TESC: variants seen among roughly 807,000 people sequenced by gnomAD.
The protein encoded by TESC is calcineurin B homologous protein 3.
Under a neutral mutation model 31.0 loss-of-function variants are expected in TESC, and 19 were observed. The ratio of observed to expected loss-of-function variants is 0.61; its 90% CI spans 0.43 to 0.90. TESC has a LOEUF of 0.90. Among genes scored for constraint, TESC ranks in the 40% least tolerant of loss-of-function variants. The pLI is 0.00. For synonymous variants in TESC, 109 were observed against 114.8 expected, an observed-to-expected ratio of 0.95 and a Z score of 0.32; for missense variants, 248 against 303.8, an observed-to-expected ratio of 0.82 and a Z score of 1.36.
At chr12:117,072,727 A>G (rs1336300255) in intron 2 of TESC, among the ~76,000 whole-genome samples, 3 of 152,238 alleles carry the variant, frequency 2.0e-5, no homozygotes, top group Non-Finnish European at 4.4e-5. Flanking sequence ...TGTGAGCTCC[A>G]TAGCGGCTGC....
chr12:117,049,300 A>G, intron 3 of TESC, 142 bp from the exon 4 acceptor site: 1 of 1,237,162 alleles, frequency 8.1e-7, no homozygotes, highest in Non-Finnish European at 1.1e-6. Context: ...CTGTGCCCCA[A>G]GAACCTGCTT....
At chr12:117,062,960 G>A (rs1954818775) in intron 2 of TESC, among the ~76,000 whole-genome samples, 1 of 152,198 alleles carries the variant, frequency 6.6e-6, no homozygotes, top group African/African-American at 2.4e-5. Context: ...GGGTAGCGGG[G>A]ATTGCCCAGG....
At chr12:117,095,904 G>A (rs1045405696) in intron 1 of TESC, among the ~76,000 whole-genome samples, 2 of 151,960 alleles carry the variant, frequency 1.3e-5, no homozygotes, top group African/African-American at 4.8e-5. Flanking sequence ...AAAAAAAACT[G>A]TAAAAAAAGA....
chr12:117,071,369 G>A (rs1331880731), intron 2 of TESC, among the ~76,000 whole-genome samples: 2 of 152,228 alleles, frequency 1.3e-5, no homozygotes, highest in Non-Finnish European at 2.9e-5. Flanking sequence ...CTGGGGTGAG[G>A]GGATGTGGGG....
chr12:117,083,650 C>T (rs1295389868), intron 1 of TESC, among the ~76,000 whole-genome samples: 1 of 152,196 alleles, frequency 6.6e-6, no homozygotes, highest in East Asian at 1.9e-4. Flanking sequence ...CAAGGCCACA[C>T]GGTGTATGAT....
intron 1 of TESC, among the ~76,000 whole-genome samples, chr12:117,095,795 G>A (rs1328536680): frequency 1.3e-5 from 2 of 152,112 alleles, no homozygotes; most frequent in East Asian, 1.9e-4. Context: ...TGGGAGGATC[G>A]CTGGAGCCCA....
Position 117,041,986 on chromosome 12 carries a change from A to ACGGAAGC in TESC, c.527_528insGCTTCCG (p.Asp176GlufsTer24). ...CGAAGGTGATCCCCTCGTACACCTG[A>ACGGAAGC]TCAGGCTCCTGGGGACGGAAGCACA... On this transcript the variant is annotated frameshift_variant, in exon 7 of 8. Coordinates refer to ENST00000335209, the MANE Select transcript of TESC (RefSeq NM_017899.4). LOFTEE classifies it high-confidence loss of function. The ACGGAAGC allele has an allele frequency of 6.3e-7, 1 of 1,596,224 alleles. No homozygotes were observed. Among genetic ancestry groups the ACGGAAGC allele is most frequent in the Non-Finnish European group, 8.5e-7 (1 of 1,171,114 alleles).
chr12:117,051,703 C>A (rs1312462183), intron 3 of TESC, among the ~76,000 whole-genome samples: 2 of 152,124 alleles, frequency 1.3e-5, no homozygotes, highest in African/African-American at 2.4e-5. Flanking sequence ...ATGTGATAGA[C>A]CCCTGGGGAA....
intron 2 of TESC, among the ~76,000 whole-genome samples, chr12:117,066,264 T>C (rs909101773): frequency 3.5e-5 from 5 of 140,870 alleles, no homozygotes; most frequent in Non-Finnish European, 7.5e-5. Context: ...TGGAGTACAG[T>C]GGTGCGATTT....
At chr12:117,058,886 C>G (rs1164786895) in intron 2 of TESC, among the ~76,000 whole-genome samples, 1 of 152,220 alleles carries the variant, frequency 6.6e-6, no homozygotes, top group East Asian at 1.9e-4. Flanking sequence ...CAGCCACTCC[C>G]TCACCTGCCT....
intron 1 of TESC, among the ~76,000 whole-genome samples, chr12:117,078,195 C>T (rs1258589061): frequency 2.0e-5 from 3 of 152,238 alleles, no homozygotes; most frequent in East Asian, 1.9e-4. Context: ...GGGCCGGGCA[C>T]GGTGGCTCAC....
chr12:117,048,102 T>G (rs529929993), intron 4 of TESC, among the ~76,000 whole-genome samples: 156 of 152,218 alleles, frequency 1.0e-3, no homozygotes, highest in South Asian at 4.4e-3. Flanking sequence ...CAAACCTCTG[T>G]CTCCCTCTCA....
intron 1 of TESC, among the ~76,000 whole-genome samples, chr12:117,089,021 TA>T (rs1955262938): frequency 6.6e-6 from 1 of 152,120 alleles, no homozygotes; most frequent in Non-Finnish European, 1.5e-5. Flanking sequence ...GAGACCCCTC[TA>T]AAAAGCTGAA....
intron 3 of TESC, among the ~76,000 whole-genome samples, chr12:117,050,525 T>G (rs1322512049): frequency 6.6e-6 from 1 of 152,226 alleles, no homozygotes; most frequent in Non-Finnish European, 1.5e-5. Flanking sequence ...AAGAAAGGGC[T>G]GGTGTTCTGG....
intron 4 of TESC, 150 bp from the exon 5 acceptor site, chr12:117,046,988 C>A: frequency 1.3e-6 from 1 of 792,232 alleles, no homozygotes; most frequent in African/African-American, 1.7e-5. Context: ...TGGGACCAGA[C>A]TGACTACTTC....
intron 2 of TESC, among the ~76,000 whole-genome samples, chr12:117,071,229 T>G (rs570697421): frequency 6.6e-6 from 1 of 152,228 alleles, no homozygotes; most frequent in Admixed American, 6.5e-5. Context: ...ATTCATTCAT[T>G]TATTCACTCA....
intron 3 of TESC, among the ~76,000 whole-genome samples, chr12:117,051,811 C>A (rs998696757): frequency 6.6e-6 from 1 of 152,164 alleles, no homozygotes; most frequent in Non-Finnish European, 1.5e-5. Flanking sequence ...TCCGAGTGCT[C>A]CCGCAGGTCT....
At chr12:117,062,925 G>A (rs1005788042) in intron 2 of TESC, among the ~76,000 whole-genome samples, 6 of 152,180 alleles carry the variant, frequency 3.9e-5, no homozygotes, top group African/African-American at 1.4e-4. Flanking sequence ...CTCATGGCCA[G>A]TGGTGTTGCC....
chr12:117,067,559 G>A (rs1014985729), intron 2 of TESC, among the ~76,000 whole-genome samples: 34 of 152,242 alleles, frequency 2.2e-4, no homozygotes, highest in African/African-American at 7.7e-4. Flanking sequence ...ACAACAGAAC[G>A]AGATCTTGCT....
Sources: allele counts gnomAD v4.1 joint callset (sites outside exome capture counted in the v4.1 genomes callset), GRCh38; gene constraint gnomAD v4.1.1; transcripts MANE v1.5; gene names NCBI Gene and HGNC (gene_info 2026-07-23, HGNC 2026-07-21).